The following RTN4RL1 variants were observed in gnomAD, a reference collection of about 807,000 sequenced individuals.
The protein encoded by RTN4RL1 is reticulon-4 receptor-like 1.
RTN4RL1 carries 7 observed loss-of-function variants against 25.6 expected under a neutral mutation model. The ratio of observed to expected loss-of-function variants is 0.27; its 90% CI spans 0.16 to 0.51. The LOEUF is 0.51. Among genes scored for constraint, RTN4RL1 ranks in the 20% least tolerant of loss-of-function variants. The probability of loss-of-function intolerance (pLI) is 0.97; values close to 1 mark genes in which losing one functional copy is unlikely to be tolerated. For missense variants in RTN4RL1, 500 were observed against 615.6 expected (o/e 0.81, Z 1.99); for synonymous variants, 297 against 288.2 (o/e 1.03, Z -0.31).
intron 1 of RTN4RL1, among the ~76,000 whole-genome samples, chr17:1,938,136 G>A (rs1480297901): frequency 6.6e-6 from 1 of 152,154 alleles, no homozygotes. Context: ...CTGGGGTGTA[G>A]GTCATGACCC....
intron 1 of RTN4RL1, among the ~76,000 whole-genome samples, chr17:2,018,547 C>T (rs1046345929): frequency 1.1e-4 from 17 of 152,184 alleles, no homozygotes; most frequent in South Asian, 4.1e-4. Flanking sequence ...GAATCAGCAG[C>T]GCCCAGCGCC....
At chr17:1,940,630 C>G (rs1027955915) in intron 1 of RTN4RL1, among the ~76,000 whole-genome samples, 1 of 152,138 alleles carries the variant, frequency 6.6e-6, no homozygotes, top group Non-Finnish European at 1.5e-5. Flanking sequence ...AGCCTGCCCA[C>G]TGCCTGAACC....
In RTN4RL1 at chr17:1,952,256, G is replaced by A. The variant is rs182973279; in HGVS notation, c.14-14448C>T. On this transcript the variant is annotated intron_variant, in intron 1 of 1. Transcript: ENST00000331238. Reference sequence around the variant, plus strand: ...ATATCTGTGAGCACCCAGAGACCACGCTGCATGACGTTTTGCCATGAGGGG... The same window carrying A: ...ATATCTGTGAGCACCCAGAGACCACACTGCATGACGTTTTGCCATGAGGGG... Among the ~76,000 whole-genome samples, 268 of 152,052 alleles carry A rather than the reference G, an allele frequency of 1.8e-3. 2 individuals are homozygous for A. The highest frequency in any genetic ancestry group is 6.2e-3 in the African/African-American group (259 of 41,478).
rs889815822 is a variant in RTN4RL1, at chr17:1,937,712, G to A, written c.110C>T (p.Thr37Met). 3 of 1,612,386 alleles carry A rather than the reference G, an allele frequency of 1.9e-6. No homozygotes were observed. The highest frequency in any genetic ancestry group is 2.5e-6 in the Non-Finnish European group (3 of 1,179,772). ...AAAGTTGTGCGCCTGGCAGCTGACC[G>A]TCATGGGCGCCGGGTAGCACACACA... Reference protein sequence around the residue: ...RDCVCYPAPMTVSCQAHNFAA... With the variant: ...RDCVCYPAPMMVSCQAHNFAA... Residue 37 changes from threonine to methionine, a missense_variant, in exon 2 of 2, where the codon ACG (threonine) becomes ATG (methionine). Thr to Met is a moderately conservative substitution (Grantham distance 81). Coordinates refer to ENST00000331238, the MANE Select transcript of RTN4RL1 (RefSeq NM_178568.4).
intron 1 of RTN4RL1, among the ~76,000 whole-genome samples, chr17:1,986,418 C>A (rs149824945): frequency 6.6e-6 from 1 of 152,146 alleles, no homozygotes; most frequent in East Asian, 1.9e-4. Flanking sequence ...GAGCCTGTGA[C>A]CTTATTTGGA....
chr17:2,013,739 A>C (rs916375364), intron 1 of RTN4RL1, among the ~76,000 whole-genome samples: 16 of 107,656 alleles, frequency 1.5e-4, no homozygotes, highest in African/African-American at 5.7e-4. Context: ...TAAATACCCC[A>C]GCTCCCTCAC....
intron 1 of RTN4RL1, among the ~76,000 whole-genome samples, chr17:2,022,125 G>A (rs2067215372): frequency 1.3e-5 from 2 of 151,224 alleles, no homozygotes; most frequent in Admixed American, 1.3e-4. Flanking sequence ...GACCAGCCTG[G>A]CCAACATGGC....
intron 1 of RTN4RL1, among the ~76,000 whole-genome samples, chr17:1,945,647 G>A (rs757002079): frequency 2.6e-5 from 4 of 152,174 alleles, no homozygotes; most frequent in African/African-American, 7.2e-5. Context: ...CACCACGCCC[G>A]GCCGCCCTGC....
intron 1 of RTN4RL1, among the ~76,000 whole-genome samples, chr17:1,964,010 G>A (rs1371076371): frequency 2.0e-5 from 3 of 152,170 alleles, no homozygotes; most frequent in Non-Finnish European, 4.4e-5. Flanking sequence ...ACAGGCGTGA[G>A]CCACCGCGCC....
intron 1 of RTN4RL1, among the ~76,000 whole-genome samples, chr17:2,005,273 C>G (rs2066985440): frequency 6.6e-6 from 1 of 152,178 alleles, no homozygotes; most frequent in African/African-American, 2.4e-5. Flanking sequence ...TCCCAAAGTG[C>G]TGGGATTACA....
intron 1 of RTN4RL1, among the ~76,000 whole-genome samples, chr17:1,985,200 T>G (rs2066882760): frequency 6.6e-6 from 1 of 152,222 alleles, no homozygotes; most frequent in African/African-American, 2.4e-5. Flanking sequence ...CTGGGCCTGC[T>G]GGACTCCACA....
intron 1 of RTN4RL1, among the ~76,000 whole-genome samples, chr17:1,977,100 C>T (rs1252929897): frequency 6.6e-6 from 1 of 152,226 alleles, no homozygotes; most frequent in Admixed American, 6.5e-5. Context: ...GATAGATACT[C>T]TGCCTCTCCA....
chr17:1,941,285 C>A (rs1300337911), intron 1 of RTN4RL1, among the ~76,000 whole-genome samples: 1 of 152,312 alleles, frequency 6.6e-6, no homozygotes, highest in East Asian at 1.9e-4. Flanking sequence ...CAGGCAAGGA[C>A]CCCAGTTTAG....
intron 1 of RTN4RL1, among the ~76,000 whole-genome samples, chr17:1,985,216 G>A (rs1053341481): frequency 2.0e-5 from 3 of 152,220 alleles, no homozygotes; most frequent in Non-Finnish European, 4.4e-5. Context: ...CCACAAGCCT[G>A]TGCTCCTGGC....
intron 1 of RTN4RL1, among the ~76,000 whole-genome samples, chr17:1,997,207 G>A (rs1026357523): frequency 3.3e-5 from 5 of 152,142 alleles, no homozygotes; most frequent in African/African-American, 4.8e-5. Context: ...GGGATCTGCC[G>A]CTCACTACCT....
chr17:2,005,085 A>G (rs981146954), intron 1 of RTN4RL1, among the ~76,000 whole-genome samples: 1 of 152,194 alleles, frequency 6.6e-6, no homozygotes, highest in African/African-American at 2.4e-5. Context: ...AGCTCACTGT[A>G]GCCTCGACCT....
At chr17:1,937,847 G>A in intron 1 of RTN4RL1, 39 bp from the exon 2 acceptor site, 2 of 1,497,612 alleles carry the variant, frequency 1.3e-6, no homozygotes, top group Non-Finnish European at 1.8e-6. Context: ...CAGGGGCCGT[G>A]CAGGTGAGGA....
intron 1 of RTN4RL1, among the ~76,000 whole-genome samples, chr17:1,957,342 T>C (rs1915813237): frequency 6.6e-6 from 1 of 152,218 alleles, no homozygotes; most frequent in East Asian, 1.9e-4. Flanking sequence ...CCGTGAGCTA[T>C]GTAAAACAGA....
intron 1 of RTN4RL1, among the ~76,000 whole-genome samples, chr17:2,021,991 T>TG (rs753611730): frequency 1.3e-5 from 2 of 150,958 alleles, no homozygotes; most frequent in Non-Finnish European, 2.9e-5. Context: ...CTCAAGTAGC[T>TG]GGGACCACCA....
Sources: gnomAD v4.1 joint callset for allele counts (sites outside exome capture counted in the v4.1 genomes callset) on GRCh38, gnomAD v4.1.1 for gene constraint, MANE v1.5 for transcripts, NCBI Gene and HGNC (gene_info 2026-07-23, HGNC 2026-07-21) for gene names.